ATF7IP2: variants seen among roughly 807,000 people sequenced by gnomAD.
ATF7IP2 encodes the protein activating transcription factor 7-interacting protein 2.
Under a neutral mutation model 64.2 loss-of-function variants are expected in ATF7IP2, and 42 were observed. That is an observed-to-expected ratio of 0.65 (90% CI 0.51 to 0.85). The LOEUF (loss-of-function observed/expected upper bound fraction) is 0.85, where lower values mean the gene tolerates loss of function less well. Among genes scored for constraint, ATF7IP2 ranks in the 40% least tolerant of loss-of-function variants. The pLI is 0.00. For missense variants in ATF7IP2, 933 were observed against 784.2 expected, an observed-to-expected ratio of 1.19 and a Z score of -2.27; for synonymous variants, 308 against 272.8, an observed-to-expected ratio of 1.13 and a Z score of -1.27.
rs1231294946 is a variant in ATF7IP2, at chr16:10,482,913, C to T, written c.*664C>T. On this transcript the variant is annotated 3_prime_UTR_variant, in exon 14 of 14. Coordinates refer to ENST00000562102, the MANE Select transcript of ATF7IP2 (RefSeq NM_001393719.1). Reference sequence around the variant, plus strand: ...ATTTTTAGTAGAGATGAGGTTTCACCTTGTTGGTCAGGCTGGTCTCAAACT... The same window carrying T: ...ATTTTTAGTAGAGATGAGGTTTCACTTTGTTGGTCAGGCTGGTCTCAAACT... 1 of 152,180 alleles carries T rather than the reference C, an allele frequency of 6.6e-6. No individual in the cohort carries two copies. The highest frequency in any genetic ancestry group is 1.5e-5 in the Non-Finnish European group (1 of 68,040). The allele number at this position is 152,180 out of a possible 1,614,324, so 9.4% of individuals were successfully genotyped here. A position where few individuals can be genotyped will look rare whatever the true frequency, so the allele number is the denominator to read the frequency against.
Position 10,453,695 on chromosome 16 carries a change from G to A in ATF7IP2, c.1195-3677G>A, listed in dbSNP as rs961308278. On this transcript the variant is annotated intron_variant, in intron 8 of 13. Coordinates refer to ENST00000562102, the MANE Select transcript of ATF7IP2 (RefSeq NM_001393719.1). The stretch of plus-strand genomic sequence containing the variant: ...TGCAGTGGCACAATCTCAGCTCATC[G>A]CAACCTCCATCTCCTGGGTTCAAGC... Among the ~76,000 whole-genome samples the A allele has an allele frequency of 6.6e-5, 10 of 152,188 alleles. No individual in the cohort carries two copies. The East Asian group carries it at 9.6e-4, about 15-fold the overall frequency.
At chr16:10,415,533 G>C (rs1433286897) in intron 2 of ATF7IP2, among the ~76,000 whole-genome samples, 1 of 152,128 alleles carries the variant, frequency 6.6e-6, no homozygotes, top group Non-Finnish European at 1.5e-5. Flanking sequence ...AGAAATCATT[G>C]GGGAAACTCT....
chr16:10,432,173 A>C (rs937665046), intron 5 of ATF7IP2, among the ~76,000 whole-genome samples: 2 of 151,964 alleles, frequency 1.3e-5, no homozygotes, highest in East Asian at 1.9e-4. Flanking sequence ...CCTGTAAATC[A>C]CATGCTAAGT....
In ATF7IP2 at chr16:10,472,157, C is replaced by A. The variant is rs1000179065; in HGVS notation, c.1400C>A (p.Thr467Lys). The A allele has an allele frequency of 6.4e-7, 1 of 1,570,730 alleles. No individual in the cohort carries two copies. The highest frequency in any genetic ancestry group is 8.7e-7 in the Non-Finnish European group (1 of 1,149,630). Residue 467 changes from threonine to lysine, a missense_variant, in exon 10 of 14, where the codon ACA (threonine) becomes AAA (lysine). By Grantham distance (78) the Thr-to-Lys change is moderately conservative. Coordinates refer to ENST00000562102, the MANE Select transcript of ATF7IP2 (RefSeq NM_001393719.1). ...MLISVESPNLTTPITSNPTDT... is the reference protein window; with the variant it reads ...MLISVESPNLKTPITSNPTDT... Reference sequence around the variant, plus strand: ...ATTTCTGTGGAAAGTCCTAATTTGACAACTCCAATTACATCAAATCCAACA... The same window carrying A: ...ATTTCTGTGGAAAGTCCTAATTTGAAAACTCCAATTACATCAAATCCAACA...
intron 8 of ATF7IP2, among the ~76,000 whole-genome samples, chr16:10,450,825 ATATTGT>A (rs562532850): frequency 3.1e-4 from 47 of 152,250 alleles, no homozygotes; most frequent in Admixed American, 2.3e-3. Context: ...TTTAAGGTTA[ATATTGT>A]TATGTGTGAA....
At chr16:10,398,943 A>G (rs1390779448) in intron 1 of ATF7IP2, among the ~76,000 whole-genome samples, 1 of 152,140 alleles carries the variant, frequency 6.6e-6, no homozygotes, top group African/African-American at 2.4e-5. Flanking sequence ...GAGAAACCCC[A>G]TCTCTACTAA....
intron 1 of ATF7IP2, among the ~76,000 whole-genome samples, chr16:10,401,147 C>G (rs987401485): frequency 5.9e-5 from 9 of 152,040 alleles, no homozygotes; most frequent in Non-Finnish European, 1.0e-4. Flanking sequence ...ATAAAACCCG[C>G]TTGATTATGG....
chr16:10,438,034 A>G (rs2048480258), intron 6 of ATF7IP2, 67 bp from the exon 7 acceptor site: 1 of 1,277,890 alleles, frequency 7.8e-7, no homozygotes, highest in African/African-American at 1.5e-5. Flanking sequence ...AGGCTTTTTA[A>G]GTAGAAAGTA....
chr16:10,464,010 G>A (rs1335856923), intron 9 of ATF7IP2, among the ~76,000 whole-genome samples: 1 of 152,134 alleles, frequency 6.6e-6, no homozygotes, highest in Non-Finnish European at 1.5e-5. Context: ...AGCATCCTGT[G>A]TGGCTGGGTT....
intron 3 of ATF7IP2, among the ~76,000 whole-genome samples, chr16:10,423,902 G>A (rs1474992688): frequency 2.0e-5 from 3 of 152,170 alleles, no homozygotes; most frequent in South Asian, 4.1e-4. Flanking sequence ...GTAGTTCCAT[G>A]TTCTCCAGTC....
intron 1 of ATF7IP2, among the ~76,000 whole-genome samples, chr16:10,409,211 C>T (rs190103230): frequency 2.0e-5 from 3 of 152,152 alleles, no homozygotes; most frequent in Admixed American, 6.5e-5. Context: ...ATGTGAGTTA[C>T]AGTGGTGGGA....
chr16:10,466,700 C>G (rs1422203523), intron 9 of ATF7IP2, among the ~76,000 whole-genome samples: 1 of 152,058 alleles, frequency 6.6e-6, no homozygotes, highest in East Asian at 1.9e-4. Context: ...TTGACAGATA[C>G]ATTTATTATA....
In ATF7IP2 at chr16:10,394,182, A is replaced by G. The variant is rs547758549; in HGVS notation, c.-242+8060A>G. 2.0e-5 allele frequency among the ~76,000 whole-genome samples: 3 copies of G among 152,334 alleles called. No homozygotes were observed. The South Asian group carries it at 6.2e-4, about 32-fold the overall frequency. On this transcript the variant is annotated intron_variant, in intron 1 of 13. Transcript: ENST00000562102. Reference sequence around the variant, plus strand: ...TGGATTCAAAGATGCAAATAGGCTGAAAGTAAAAGGATAGATGAAGATACA... The same window carrying G: ...TGGATTCAAAGATGCAAATAGGCTGGAAGTAAAAGGATAGATGAAGATACA...
intron 12 of ATF7IP2, among the ~76,000 whole-genome samples, chr16:10,474,476 T>G (rs2049930312): frequency 6.6e-6 from 1 of 152,184 alleles, no homozygotes; most frequent in South Asian, 2.1e-4. Context: ...ACATACTTTT[T>G]TCCCTAACCA....
intron 3 of ATF7IP2, among the ~76,000 whole-genome samples, chr16:10,427,113 C>T (rs1342538091): frequency 1.3e-5 from 2 of 152,162 alleles, no homozygotes; most frequent in East Asian, 3.9e-4. Context: ...CTCAGCCTTC[C>T]AGAGTGCTGG....
intron 1 of ATF7IP2, among the ~76,000 whole-genome samples, chr16:10,405,963 C>G (rs7189673): frequency 0.042 from 6,317 of 152,120 alleles, 469 homozygotes; most frequent in African/African-American, 0.15. Context: ...GTGGCACGTG[C>G]CTGTAATCCC....
chr16:10,427,375 G>C (rs1030222717), intron 3 of ATF7IP2, among the ~76,000 whole-genome samples: 1 of 152,140 alleles, frequency 6.6e-6, no homozygotes, highest in Non-Finnish European at 1.5e-5. Flanking sequence ...CAATACCAAG[G>C]GTTCAAGAGG....
chr16:10,450,046 A>G (rs984686808), intron 8 of ATF7IP2, among the ~76,000 whole-genome samples: 6 of 152,178 alleles, frequency 3.9e-5, no homozygotes, highest in South Asian at 4.1e-4. Context: ...TTCAAAGAAC[A>G]TCTTTATTTC....
At chr16:10,418,763 A>G (rs1237824302) in intron 2 of ATF7IP2, among the ~76,000 whole-genome samples, 1 of 152,086 alleles carries the variant, frequency 6.6e-6, no homozygotes, top group Non-Finnish European at 1.5e-5. Flanking sequence ...CCAAATTTTG[A>G]TCTTATTAAG....
Sources: gnomAD v4.1 joint callset for allele counts (sites outside exome capture counted in the v4.1 genomes callset) on GRCh38, gnomAD v4.1.1 for gene constraint, MANE v1.5 for transcripts, NCBI Gene and HGNC (gene_info 2026-07-23, HGNC 2026-07-21) for gene names.